Variants in LPAR6 observed in about 807,000 individuals in gnomAD.
The protein encoded by LPAR6 is G-protein coupled purinergic receptor P2Y5.
Under a neutral mutation model 22.0 loss-of-function variants are expected in LPAR6, and 17 were observed. The observed-to-expected ratio is 0.77, with a 90% CI of 0.53 to 1.16. The LOEUF is 1.16. Among genes scored for constraint, LPAR6 ranks in the 50% most tolerant of loss-of-function variants. The probability of loss-of-function intolerance (pLI) is 0.00; values close to 1 mark genes in which losing one functional copy is unlikely to be tolerated. For missense variants in LPAR6, 384 were observed against 406.9 expected, an observed-to-expected ratio of 0.94 and a Z score of 0.48; for synonymous variants, 136 against 139.8, an observed-to-expected ratio of 0.97 and a Z score of 0.19.
chr13:48,414,956 G>A (rs1948883185), upstream of LPAR6, among the ~76,000 whole-genome samples: 1 of 151,724 alleles, frequency 6.6e-6, no homozygotes, highest in South Asian at 2.1e-4. Context: ...TATTCTCATT[G>A]GAAAAAATTT....
At chr13:48,437,972 G>A (rs1234164587) in intron 1 of LPAR6, among the ~76,000 whole-genome samples, 1 of 152,122 alleles carries the variant, frequency 6.6e-6, no homozygotes, top group East Asian at 1.9e-4. Flanking sequence ...GTGCTTTGCT[G>A]TAGTTAATTT....
chr13:48,403,023 T>C (rs892900583), intron 1 of LPAR6, among the ~76,000 whole-genome samples: 4 of 152,116 alleles, frequency 2.6e-5, no homozygotes, highest in Non-Finnish European at 5.9e-5. Context: ...TCATAGGTTT[T>C]ATGTCCTATT....
intron 1 of LPAR6, among the ~76,000 whole-genome samples, chr13:48,435,066 A>T (rs1368431990): frequency 1.3e-5 from 2 of 152,214 alleles, no homozygotes; most frequent in African/African-American, 2.4e-5. Context: ...TTTCTCTGGG[A>T]TAAATGCCTA....
At chr13:48,410,399 G>C (rs1381281654), downstream of LPAR6, among the ~76,000 whole-genome samples, 1 of 152,134 alleles carries the variant, frequency 6.6e-6, no homozygotes, top group Non-Finnish European at 1.5e-5. Flanking sequence ...GTGTGTAATA[G>C]TGTATACCTT....
intron 1 of LPAR6, among the ~76,000 whole-genome samples, chr13:48,395,984 A>G (rs926024155): frequency 6.6e-6 from 1 of 152,188 alleles, no homozygotes; most frequent in African/African-American, 2.4e-5. Context: ...GCCACTGCTC[A>G]AGGAAATAAG....
upstream of LPAR6, among the ~76,000 whole-genome samples, chr13:48,427,188 T>C (rs1949092082): frequency 8.0e-6 from 1 of 124,500 alleles, no homozygotes; most frequent in African/African-American, 3.1e-5. Flanking sequence ...AAACCTCACC[T>C]CCAGCATTGG....
chr13:48,415,437 A>G (rs933527820), upstream of LPAR6, among the ~76,000 whole-genome samples: 5 of 151,612 alleles, frequency 3.3e-5, no homozygotes, highest in African/African-American at 9.7e-5. Flanking sequence ...CCGCCACCAC[A>G]CCCAGCTAAT....
chr13:48,422,967 C>T (rs1241665654), intron 1 of LPAR6, among the ~76,000 whole-genome samples: 1 of 151,810 alleles, frequency 6.6e-6, no homozygotes, highest in Non-Finnish European at 1.5e-5. Context: ...ATAGTGACAC[C>T]CTGTTTCCAA....
intron 2 of LPAR6, among the ~76,000 whole-genome samples, chr13:48,419,628 A>G (rs1035087722): frequency 1.3e-5 from 2 of 152,194 alleles, no homozygotes; most frequent in Non-Finnish European, 1.5e-5. Flanking sequence ...AACAAAATAG[A>G]TAGACCACTA....
downstream of LPAR6, chr13:48,408,578 A>T (rs1028622806): frequency 3.9e-5 from 6 of 152,118 alleles, no homozygotes; most frequent in Admixed American, 3.3e-4. Flanking sequence ...GGTTTTTCTG[A>T]ATAAAGGGGG....
chr13:48,407,986 A>G (rs1181978136), downstream of LPAR6, among the ~76,000 whole-genome samples: 1 of 152,150 alleles, frequency 6.6e-6, no homozygotes, highest in Non-Finnish European at 1.5e-5. Flanking sequence ...TACTTGGTTC[A>G]TCAGGTGTCC....
intron 1 of LPAR6, chr13:48,404,115 G>A (rs918787163): frequency 6.6e-6 from 1 of 152,226 alleles, no homozygotes; most frequent in Non-Finnish European, 1.5e-5. Flanking sequence ...GCCCCATGCT[G>A]TTGTGCAGTG....
At chr13:48,401,278 T>C (rs535520976) in intron 1 of LPAR6, 2 of 152,278 alleles carry the variant, frequency 1.3e-5, no homozygotes, top group African/African-American at 4.8e-5. Flanking sequence ...AGTTTTAGAA[T>C]TTTCAGTTTG....
intron 1 of LPAR6, among the ~76,000 whole-genome samples, chr13:48,443,036 G>A (rs1402736576): frequency 6.6e-6 from 1 of 151,980 alleles, no homozygotes; most frequent in South Asian, 2.1e-4. Context: ...GACATTTTAA[G>A]ACATTTAATT....
At chr13:48,440,546 T>G (rs1949227006) in intron 1 of LPAR6, among the ~76,000 whole-genome samples, 1 of 152,196 alleles carries the variant, frequency 6.6e-6, no homozygotes, top group South Asian at 2.1e-4. Context: ...ATTTAGTATT[T>G]GGCTTCATAT....
At chr13:48,414,910 G>T (rs1052830002), upstream of LPAR6, among the ~76,000 whole-genome samples, 2 of 152,088 alleles carry the variant, frequency 1.3e-5, no homozygotes, top group Non-Finnish European at 2.9e-5. Flanking sequence ...GAAGCTGAGT[G>T]AGCATTAATG....
rs148227482 is a variant in LPAR6, at chr13:48,412,382, G to A, written c.42C>T (p.Ser14=). ...VNSSHCFYND[S]FKYTLYGCMF... ...TGCACCCATACAAAGTGTACTTAAA[G>A]GAGTCATTATAGAAGCAGTGGGAGC... is the stretch of plus-strand genomic sequence containing the variant. Residue 14 remains serine, a synonymous_variant, in exon 1 of 1, where the codon TCC becomes TCT. Coordinates refer to ENST00000620633, the MANE Select transcript of LPAR6 (RefSeq NM_001162498.3). 153 of 1,614,018 alleles carry A rather than the reference G, an allele frequency of 9.5e-5. 1 individual carries two copies. In the Middle Eastern group the frequency reaches 1.7e-3, roughly 17 times the overall value.
chr13:48,430,765 CAAAA>C (rs58163880), upstream of LPAR6, among the ~76,000 whole-genome samples: 18 of 150,064 alleles, frequency 1.2e-4, no homozygotes, highest in South Asian at 3.6e-3. Flanking sequence ...AACAAACAAA[CAAAA>C]AAAAAAAACA....
chr13:48,417,510 A>G (rs540368548), upstream of LPAR6, among the ~76,000 whole-genome samples: 30 of 152,274 alleles, frequency 2.0e-4, no homozygotes, highest in East Asian at 5.4e-3. Flanking sequence ...AAAAACCAGA[A>G]TGCCTTTTCT....
Sources: gnomAD v4.1 joint callset for allele counts (sites outside exome capture counted in the v4.1 genomes callset) on GRCh38, gnomAD v4.1.1 for gene constraint, MANE v1.5 for transcripts, NCBI Gene and HGNC (gene_info 2026-07-23, HGNC 2026-07-21) for gene names.